Variants in DNM1L observed in about 807,000 individuals in gnomAD.
The protein encoded by DNM1L is dynamin 1L.
In DNM1L, 33 loss-of-function variants were observed where a neutral mutation model predicts 92.8. The ratio of observed to expected loss-of-function variants is 0.36; its 90% confidence interval spans 0.27 to 0.48. The LOEUF is 0.48. Ranked by LOEUF, DNM1L falls within the 20% of genes least tolerant of loss-of-function variation. The pLI is 0.99. For synonymous variants in DNM1L, 284 were observed against 305.0 expected (o/e 0.93, Z 0.72); for missense variants, 485 against 888.8 (o/e 0.55, Z 5.78).
intron 1 of DNM1L, among the ~76,000 whole-genome samples, chr12:32,696,899 A>G (rs1363759754): frequency 6.6e-6 from 1 of 150,594 alleles, no homozygotes; most frequent in Non-Finnish European, 1.5e-5. Flanking sequence ...TGCTGGGATT[A>G]CAGGCGTGAG....
chr12:32,733,707 T>C lies in DNM1L; in HGVS notation c.1447-8T>C. Reference sequence around the variant, plus strand: ...TTTTGTATATCGCCTAACTTACTTTTTTTCTAGGTCCATAACTTAGTGGCA... The same window carrying C: ...TTTTGTATATCGCCTAACTTACTTTCTTTCTAGGTCCATAACTTAGTGGCA... On this transcript the variant is annotated splice_region_variant and splice_polypyrimidine_tract_variant and intron_variant, in intron 12 of 19. Transcript: ENST00000549701. 6.2e-7 allele frequency: 1 copy of C among 1,613,106 alleles called. No homozygotes were observed. The highest frequency in any genetic ancestry group is 8.5e-7 in the Non-Finnish European group (1 of 1,179,270).
intron 2 of DNM1L, chr12:32,705,585 C>T (rs1323241986): frequency 2.5e-6 from 1 of 394,614 alleles, no homozygotes; most frequent in Non-Finnish European, 4.5e-6. Flanking sequence ...TGCTTTGTTT[C>T]TATGACTTAA....
In DNM1L at chr12:32,740,248, A is replaced by C. The variant is rs1246475918; in HGVS notation, c.1884+8A>C. The C allele has an allele frequency of 1.2e-6, 2 of 1,614,214 alleles. No individual in the cohort carries two copies. Among genetic ancestry groups the C allele is most frequent in the Admixed American group, 1.7e-5 (1 of 60,032 alleles). On this transcript the variant is annotated splice_region_variant and intron_variant, in intron 17 of 19. Transcript: ENST00000549701. Reference sequence around the variant, plus strand: ...GTGAACCTGCTAGATGTGGTAAGCCATGACAATTTGGTTTAGGTAATAAGG... The same window carrying C: ...GTGAACCTGCTAGATGTGGTAAGCCCTGACAATTTGGTTTAGGTAATAAGG...
intron 6 of DNM1L, among the ~76,000 whole-genome samples, chr12:32,715,166 T>C (rs1953308732): frequency 6.6e-6 from 1 of 150,814 alleles, no homozygotes; most frequent in African/African-American, 2.4e-5. Context: ...CAATCATGCC[T>C]CACTGCAAAC....
chr12:32,685,309 AC>A, intron 1 of DNM1L, among the ~76,000 whole-genome samples: 1 of 149,416 alleles, frequency 6.7e-6, no homozygotes, highest in Middle Eastern at 3.3e-3. Flanking sequence ...GATAATTCTT[AC>A]GTTTAACTTT....
chr12:32,736,792 T>C, intron 13 of DNM1L: 1 of 355,498 alleles, frequency 2.8e-6, no homozygotes, highest in Admixed American at 3.9e-5. Flanking sequence ...TTTACATCAC[T>C]GTTTCTTAGT....
chr12:32,711,090 T>C (rs1953108119), intron 5 of DNM1L, 75 bp downstream of exon 5: 1 of 1,267,122 alleles, frequency 7.9e-7, no homozygotes, highest in Admixed American at 1.7e-5. Context: ...ATAATCAGCT[T>C]CTTTTTGCAA....
intron 9 of DNM1L, among the ~76,000 whole-genome samples, chr12:32,724,591 AAAATATATAT>A (rs1344928850): frequency 0.015 from 1,021 of 68,866 alleles, 16 homozygotes; most frequent in African/African-American, 0.042. Flanking sequence ...AAAAAAAAAA[AAAATATATAT>A]ATATATATAT....
intron 1 of DNM1L, among the ~76,000 whole-genome samples, chr12:32,691,749 A>T (rs1199025811): frequency 6.8e-6 from 1 of 147,272 alleles, no homozygotes; most frequent in East Asian, 1.9e-4. Context: ...TAAGAGAGCC[A>T]AAAGCCTGAT....
chr12:32,742,763 T>C lies in DNM1L; in HGVS notation c.2154+15T>C. On this transcript the variant is annotated intron_variant, in intron 19 of 19. Transcript: ENST00000549701. ...ATATGCTAAAGGTATTGTGGACCTT[T>C]TGATTTTTTATACTTGGGTAGTAGA... is the stretch of plus-strand genomic sequence containing the variant. The C allele has an allele frequency of 6.2e-7, 1 of 1,614,118 alleles. No homozygotes were observed. The highest frequency in any genetic ancestry group is 8.5e-7 in the Non-Finnish European group (1 of 1,180,016).
intron 1 of DNM1L, among the ~76,000 whole-genome samples, chr12:32,698,001 C>A (rs1952542238): frequency 6.7e-6 from 1 of 150,370 alleles, no homozygotes; most frequent in Non-Finnish European, 1.5e-5. Context: ...TTTTTATGGA[C>A]ACATTTTGTC....
At position 32,731,809 on chromosome 12, in the gene DNM1L, A is replaced by G. The variant is rs775739367; in HGVS notation, c.1357-45A>G. ...GCTTAGTGAGACTATGACTTAAAAA[A>G]AAAACAAAAAACAAACACGTTTTTC... On this transcript the variant is annotated intron_variant, in intron 11 of 19. Transcript: ENST00000549701. The surrounding 1 kb of genome is among the most constrained non-coding windows in gnomAD (Gnocchi z 5.1). 7 of 1,557,948 alleles carry G rather than the reference A, an allele frequency of 4.5e-6. No homozygotes were observed. Among genetic ancestry groups the G allele is most frequent in the Non-Finnish European group, 6.2e-6 (7 of 1,129,984 alleles).
At chr12:32,687,011 C>T (rs920809944) in intron 1 of DNM1L, among the ~76,000 whole-genome samples, 5 of 145,124 alleles carry the variant, frequency 3.4e-5, no homozygotes, top group African/African-American at 1.3e-4. Flanking sequence ...GAACTCCTGA[C>T]CTCAGGTGAT....
chr12:32,731,662 T>C lies in DNM1L; in HGVS notation c.1356+151T>C, dbSNP rs1270674709. On this transcript the variant is annotated intron_variant, in intron 11 of 19. Coordinates refer to ENST00000549701, the MANE Select transcript of DNM1L (RefSeq NM_012062.5). This position sits in a 1 kb window ranked among gnomAD's most constrained non-coding sequence, Gnocchi z 5.1. ...AGTGATTTGAAATAGGATTCTTAAA[T>C]GTAGTCTCCAAATTGAATTCAGTAT... 4.3e-5 allele frequency: 49 copies of C among 1,126,602 alleles called. 1 individual carries two copies. In the East Asian group the frequency reaches 1.2e-3, roughly 27 times the overall value. 69.8% of individuals were successfully genotyped at this position (1,126,602 alleles called of 1,614,324 possible).
At chr12:32,723,115 G>A (rs1459703673) in intron 9 of DNM1L, among the ~76,000 whole-genome samples, 1 of 151,102 alleles carries the variant, frequency 6.6e-6, no homozygotes, top group Non-Finnish European at 1.5e-5. Flanking sequence ...AGTCCAGCCT[G>A]GGCAACATAT....
chr12:32,726,548 G>T, intron 9 of DNM1L: 1 of 1,152,782 alleles, frequency 8.7e-7, no homozygotes, highest in Non-Finnish European at 1.3e-6. Flanking sequence ...CTGATCTTGG[G>T]ATTGTATGCT....
Position 32,698,689 on chromosome 12 carries a change from C to G in DNM1L, c.103-2726C>G, listed in dbSNP as rs569264338. 2.0e-5 allele frequency among the ~76,000 whole-genome samples: 3 copies of G among 148,154 alleles called. No homozygotes were observed. The South Asian group carries it at 6.4e-4, about 32-fold the overall frequency. On this transcript the variant is annotated intron_variant, in intron 1 of 19. Transcript: ENST00000549701. ...AGAAAAAAATAGAGTACAGAATATACTGTATAGAAAAATAAGTTTATTGCA... is the reference window on the plus strand; with the variant it reads ...AGAAAAAAATAGAGTACAGAATATAGTGTATAGAAAAATAAGTTTATTGCA...
chr12:32,714,270 A>AT (rs764641583), intron 6 of DNM1L, among the ~76,000 whole-genome samples: 1,369 of 134,602 alleles, frequency 0.01, 18 homozygotes, highest in African/African-American at 0.012. Flanking sequence ...CACTTTAACA[A>AT]TTTTTTTTTT....
intron 1 of DNM1L, among the ~76,000 whole-genome samples, chr12:32,690,953 A>G (rs1377617664): frequency 6.6e-6 from 1 of 152,224 alleles, no homozygotes; most frequent in African/African-American, 2.4e-5. Context: ...GATTGATTTT[A>G]TTCATTGCAT....
Sources: allele counts gnomAD v4.1 joint callset (sites outside exome capture counted in the v4.1 genomes callset), GRCh38; gene constraint gnomAD v4.1.1; non-coding constraint Gnocchi (gnomAD v3.1); transcripts MANE v1.5; gene names NCBI Gene and HGNC (gene_info 2026-07-23, HGNC 2026-07-21).